EXT2: variants seen among roughly 807,000 people sequenced by gnomAD.
EXT2 encodes exostosin glycosyltransferase 2.
Under a neutral mutation model 81.6 loss-of-function variants are expected in EXT2, and 53 were observed. The observed-to-expected ratio is 0.65, with a 90% CI of 0.52 to 0.82. The LOEUF (loss-of-function observed/expected upper bound fraction) is 0.82, where lower values mean the gene tolerates loss of function less well. EXT2 is among the 40% of genes least tolerant of loss of function. The pLI is 0.00. For synonymous variants in EXT2, 320 were observed against 340.0 expected (o/e 0.94, Z 0.65); for missense variants, 774 against 910.2 (o/e 0.85, Z 1.93).
intron 11 of EXT2, 50 bp downstream of exon 11, chr11:44,232,546 C>T: frequency 1.2e-6 from 2 of 1,607,762 alleles, no homozygotes; most frequent in South Asian, 2.2e-5. Flanking sequence ...GAATGATACA[C>T]ATTTTATTTG....
intron 8 of EXT2, among the ~76,000 whole-genome samples, chr11:44,175,345 G>A (rs1438999214): frequency 1.3e-5 from 2 of 151,990 alleles, no homozygotes; most frequent in Non-Finnish European, 2.9e-5. Flanking sequence ...CTAACAGCAA[G>A]GCCCTCCACA....
intron 1 of EXT2, among the ~76,000 whole-genome samples, chr11:44,107,142 G>T (rs1323509103): frequency 6.6e-6 from 1 of 151,210 alleles, no homozygotes; most frequent in African/African-American, 2.4e-5. Context: ...TTTATATTAT[G>T]AATTAATATT....
At chr11:44,125,133 T>C in intron 5 of EXT2, 149 bp downstream of exon 5, 1 of 783,596 alleles carries the variant, frequency 1.3e-6, no homozygotes, top group South Asian at 1.5e-5. Flanking sequence ...ACTGGACATG[T>C]AGACCTTCAG....
rs1362632547 is a variant in EXT2 at position 44,248,857 on chromosome 11, C to T, written c.*4570C>T. Reference sequence around the variant, plus strand: ...GAAGATGACCAGAGAAAGTTTGGCCCCCTCTCCCAAGCTTCCAGGCCTCTT... The same window carrying T: ...GAAGATGACCAGAGAAAGTTTGGCCTCCTCTCCCAAGCTTCCAGGCCTCTT... On this transcript the variant is annotated 3_prime_UTR_variant, in exon 14 of 14. Transcript: ENST00000533608. Among the ~76,000 whole-genome samples, 1 of 152,164 alleles carries T rather than the reference C, an allele frequency of 6.6e-6. No individual in the cohort carries two copies. The highest frequency in any genetic ancestry group is 1.5e-5 in the Non-Finnish European group (1 of 68,034).
intron 10 of EXT2, among the ~76,000 whole-genome samples, chr11:44,228,723 T>C (rs975208274): frequency 6.6e-6 from 1 of 152,142 alleles, no homozygotes; most frequent in African/African-American, 2.4e-5. Context: ...TAGAGCAGCA[T>C]AGTTTAGTAT....
chr11:44,217,483 A>G (rs1219314694), intron 10 of EXT2, among the ~76,000 whole-genome samples: 1 of 152,202 alleles, frequency 6.6e-6, no homozygotes, highest in African/African-American at 2.4e-5. Flanking sequence ...GCTAGGAATG[A>G]TCTTCTCTGG....
intron 8 of EXT2, among the ~76,000 whole-genome samples, chr11:44,177,057 C>A (rs1397752729): frequency 6.6e-6 from 1 of 151,990 alleles, no homozygotes; most frequent in African/African-American, 2.4e-5. Flanking sequence ...CCACGTTGCA[C>A]CACACCCTCA....
rs1590547374 is a variant in EXT2 at position 44,107,855 on chromosome 11, A to T, written c.143A>T (p.His48Leu). The T allele has an allele frequency of 4.3e-6, 7 of 1,614,114 alleles. No homozygotes were observed. The highest frequency in any genetic ancestry group is 1.6e-4 in the Middle Eastern group (1 of 6,062). ...IATGMFQFWPHSIESSNDWNV... is the reference protein window; with the variant it reads ...IATGMFQFWPLSIESSNDWNV... ...ACTGGCATGTTTCAGTTTTGGCCCC[A>T]TTCTATCGAGTCCTCAAATGACTGG... Residue 48 changes from histidine to leucine, a missense_variant, in exon 2 of 14, where the codon CAT becomes CTT. His to Leu is a moderately conservative substitution (Grantham distance 99). Around this residue, in one of 2 missense-constraint regions of EXT2, gnomAD observed 626 missense variants for 670.5 expected, o/e 0.93. Coordinates refer to ENST00000533608, the MANE Select transcript of EXT2 (RefSeq NM_207122.2).
Position 44,127,197 on chromosome 11 carries a change from G to A in EXT2, c.1079+242G>A, listed in dbSNP as rs560915570. Reference sequence around the variant, plus strand: ...AACACAGCCGTGTCCCTTCCTTTACGTATAGTCTGGCTGTTATTGTGTCAC... The same window carrying A: ...AACACAGCCGTGTCCCTTCCTTTACATATAGTCTGGCTGTTATTGTGTCAC... On this transcript the variant is annotated intron_variant, in intron 6 of 13. Transcript: ENST00000533608. 3.9e-5 allele frequency among the ~76,000 whole-genome samples: 6 copies of A among 152,270 alleles called. No individual in the cohort carries two copies. In the East Asian group the frequency reaches 5.8e-4, roughly 15 times the overall value.
intron 10 of EXT2, among the ~76,000 whole-genome samples, chr11:44,212,347 A>C (rs1251380828): frequency 6.8e-6 from 1 of 146,496 alleles, no homozygotes. Context: ...AAATAAATAA[A>C]TACAGGATGA....
intron 7 of EXT2, among the ~76,000 whole-genome samples, chr11:44,130,534 C>T (rs963268612): frequency 3.3e-5 from 5 of 152,182 alleles, no homozygotes; most frequent in African/African-American, 1.2e-4. Context: ...CCCAGCTTCC[C>T]AGTTCAGTCA....
chr11:44,122,089 G>C (rs140854785), intron 4 of EXT2, among the ~76,000 whole-genome samples: 55 of 152,212 alleles, frequency 3.6e-4, no homozygotes, highest in African/African-American at 1.3e-3. Flanking sequence ...GGAGAGGGTA[G>C]AACACTAGTT....
chr11:44,147,730 T>C (rs1323396734), intron 7 of EXT2, among the ~76,000 whole-genome samples: 1 of 148,652 alleles, frequency 6.7e-6, no homozygotes, highest in East Asian at 2.0e-4. Flanking sequence ...CCAGCTAATT[T>C]TTTTTTTTTT....
chr11:44,108,277 C>CA lies in EXT2; in HGVS notation c.536+30dup. On this transcript the variant is annotated intron_variant, in intron 2 of 13. Coordinates refer to ENST00000533608, the MANE Select transcript of EXT2 (RefSeq NM_207122.2). The stretch of plus-strand genomic sequence containing the variant: ...TCTCACACTCATACAGCCCAGCCCC[C>CA]AGGAGATACTTGAGTGGCCCTCAGG... 3 of 1,605,142 alleles carry CA rather than the reference C, an allele frequency of 1.9e-6. No homozygotes were observed. In the African/African-American group the frequency reaches 4.0e-5, roughly 21 times the overall value.
At chr11:44,126,558 C>T (rs1304543416) in intron 5 of EXT2, among the ~76,000 whole-genome samples, 2 of 152,174 alleles carry the variant, frequency 1.3e-5, no homozygotes. Flanking sequence ...TTGACATTGA[C>T]CTTGAACATT....
chr11:44,213,660 A>G (rs1476740191), intron 10 of EXT2, among the ~76,000 whole-genome samples: 2 of 152,240 alleles, frequency 1.3e-5, no homozygotes, highest in Non-Finnish European at 2.9e-5. Context: ...AGATAAATCA[A>G]TAGGAATTCT....
At chr11:44,117,206 TGATCCACC>T (rs1434114872) in intron 4 of EXT2, among the ~76,000 whole-genome samples, 72 of 152,272 alleles carry the variant, frequency 4.7e-4, no homozygotes, top group Non-Finnish European at 8.8e-5. Context: ...TGACCTCAGG[TGATCCACC>T]CACCTTGGCC....
intron 8 of EXT2, among the ~76,000 whole-genome samples, chr11:44,176,937 A>G (rs942233910): frequency 2.6e-5 from 4 of 151,598 alleles, no homozygotes; most frequent in Non-Finnish European, 4.4e-5. Context: ...AAAAAAAAAA[A>G]AAGGCCTACG....
At chr11:44,191,114 C>T (rs1447674193) in intron 8 of EXT2, among the ~76,000 whole-genome samples, 1 of 152,238 alleles carries the variant, frequency 6.6e-6, no homozygotes, top group East Asian at 1.9e-4. Flanking sequence ...CAGGGCTTTG[C>T]AGAATAAAAG....
Sources: allele counts gnomAD v4.1 joint callset (sites outside exome capture counted in the v4.1 genomes callset), GRCh38; gene constraint gnomAD v4.1.1; regional missense constraint gnomAD v4.1.1; transcripts MANE v1.5; gene names NCBI Gene and HGNC (gene_info 2026-07-23, HGNC 2026-07-21).